The following CAMTA1 variants were observed in gnomAD, a reference collection of about 807,000 sequenced individuals.
The protein encoded by CAMTA1 is calmodulin-binding transcription activator 1.
In CAMTA1, 27 loss-of-function variants were observed where a neutral mutation model predicts 170.9. The observed-to-expected ratio is 0.16, with a 90% CI of 0.12 to 0.22. The LOEUF is 0.22. CAMTA1 is among the 10% of genes least tolerant of loss of function. The pLI is 1.00. For missense variants in CAMTA1, 1,619 were observed against 2,217.2 expected (o/e 0.73, Z 5.42); for synonymous variants, 833 against 891.5 (o/e 0.93, Z 1.17).
rs546565363 is a variant in CAMTA1, at chr1:7,007,763, G to A, written c.235-83541G>A. ...CTTTCCGACCCTGTGCTTTTCTACC[G>A]ACTTCTGGGCCGGGTCATCCACTCC... On this transcript the variant is annotated intron_variant, in intron 3 of 22. Transcript: ENST00000303635. This position sits in a 1 kb window ranked among gnomAD's most constrained non-coding sequence, Gnocchi z 4.5. Among the ~76,000 whole-genome samples, 3 of 152,216 alleles carry A rather than the reference G, an allele frequency of 2.0e-5. No individual in the cohort carries two copies. Among genetic ancestry groups the A allele is most frequent in the Admixed American group, 6.5e-5 (1 of 15,278 alleles).
chr1:7,134,755 TA>T (rs1403231189), intron 4 of CAMTA1, among the ~76,000 whole-genome samples: 5 of 152,116 alleles, frequency 3.3e-5, no homozygotes, highest in African/African-American at 1.2e-4. Flanking sequence ...CACATGCAAT[TA>T]TATGTTCATG....
intron 5 of CAMTA1, among the ~76,000 whole-genome samples, chr1:7,329,826 A>G (rs1422797108): frequency 1.3e-5 from 2 of 152,264 alleles, no homozygotes; most frequent in Non-Finnish European, 2.9e-5. Context: ...ATCCCATTTA[A>G]TGATGATTAT....
intron 4 of CAMTA1, among the ~76,000 whole-genome samples, chr1:7,097,183 G>A (rs996935948): frequency 1.3e-5 from 2 of 152,240 alleles, no homozygotes; most frequent in African/African-American, 2.4e-5. Flanking sequence ...CAATTCAGCT[G>A]TCATGAGTGA....
chr1:6,898,210 C>T (rs1676079357), intron 3 of CAMTA1, among the ~76,000 whole-genome samples: 1 of 152,130 alleles, frequency 6.6e-6, no homozygotes, highest in Non-Finnish European at 1.5e-5. Context: ...TTATGTACAT[C>T]TTACTAGATC....
chr1:6,899,053 C>G (rs568902635), intron 3 of CAMTA1, among the ~76,000 whole-genome samples: 54 of 152,098 alleles, frequency 3.6e-4, no homozygotes, highest in African/African-American at 1.3e-3. Flanking sequence ...TCATCGGTAC[C>G]GTGGATGCTT....
chr1:7,493,401 AC>A (rs1367474540), intron 6 of CAMTA1, among the ~76,000 whole-genome samples: 1 of 148,924 alleles, frequency 6.7e-6, no homozygotes, highest in Non-Finnish European at 1.5e-5. Flanking sequence ...GTGCACACAC[AC>A]AAAAACACAA....
intron 11 of CAMTA1, among the ~76,000 whole-genome samples, chr1:7,713,640 G>T (rs1003297460): frequency 6.6e-6 from 1 of 152,166 alleles, no homozygotes; most frequent in African/African-American, 2.4e-5. Flanking sequence ...TAGCTCGTGG[G>T]AAATGTTCTG....
At position 7,692,405 on chromosome 1, in the gene CAMTA1, T is replaced by G. The variant is rs147245649; in HGVS notation, c.2914+14672T>G. Among the ~76,000 whole-genome samples the G allele has an allele frequency of 2.5e-3, 377 of 152,198 alleles. 1 individual carries two copies. Among genetic ancestry groups the G allele is most frequent in the African/African-American group, 8.6e-3 (356 of 41,510 alleles). ...GGAGGGGGTTTCTCAGGCCGGTCCT[T>G]GGCAAGTCACTACATGGTAGGTTGT... On this transcript the variant is annotated intron_variant, in intron 11 of 22. Transcript: ENST00000303635.
At chr1:6,980,407 C>T (rs542240838) in intron 3 of CAMTA1, among the ~76,000 whole-genome samples, 6 of 152,268 alleles carry the variant, frequency 3.9e-5, no homozygotes, top group Admixed American at 6.5e-5. Context: ...GAAGTAGCAC[C>T]GGGAGTCACG....
At chr1:7,712,316 T>C (rs2096576860) in intron 11 of CAMTA1, among the ~76,000 whole-genome samples, 1 of 151,840 alleles carries the variant, frequency 6.6e-6, no homozygotes, top group African/African-American at 2.4e-5. Flanking sequence ...CATTATTCAT[T>C]ATAATTACTA....
Position 7,737,586 on chromosome 1 carries a change from C to A in CAMTA1, c.3658+16C>A. On this transcript the variant is annotated intron_variant, in intron 15 of 22. Transcript: ENST00000303635. ...ACCAACCCAGGTAAGAATTCAGAATCATGACATCTCAGAGCTTGACAGAGA... is the reference window on the plus strand; with the variant it reads ...ACCAACCCAGGTAAGAATTCAGAATAATGACATCTCAGAGCTTGACAGAGA... 6.3e-7 allele frequency: 1 copy of A among 1,588,596 alleles called. No individual in the cohort carries two copies. Among genetic ancestry groups the A allele is most frequent in the South Asian group, 1.1e-5 (1 of 87,360 alleles).
chr1:7,527,266 G>A (rs1255497609), intron 6 of CAMTA1, among the ~76,000 whole-genome samples: 3 of 152,220 alleles, frequency 2.0e-5, no homozygotes, highest in African/African-American at 7.2e-5. Flanking sequence ...AACTGCCACT[G>A]AGTGACAGAT....
chr1:7,561,896 C>A lies in CAMTA1; in HGVS notation c.511-78504C>A, dbSNP rs188516641. On this transcript the variant is annotated intron_variant, in intron 6 of 22. Transcript: ENST00000303635. This position sits in a 1 kb window ranked among gnomAD's most constrained non-coding sequence, Gnocchi z 5.3. The stretch of plus-strand genomic sequence containing the variant: ...AAGCCATCCTCGAGGCAGCCTTCAC[C>A]AGCATGTGTCACCAGGCACTCCATT... Among the ~76,000 whole-genome samples, 4 of 152,330 alleles carry A rather than the reference C, an allele frequency of 2.6e-5. No individual in the cohort carries two copies. In the East Asian group the frequency reaches 5.8e-4, roughly 22 times the overall value.
intron 6 of CAMTA1, among the ~76,000 whole-genome samples, chr1:7,520,678 G>T (rs2094353920): frequency 6.6e-6 from 1 of 152,090 alleles, no homozygotes; most frequent in Non-Finnish European, 1.5e-5. Context: ...GAGTTGGGCG[G>T]TGGGGAACCT....
At chr1:6,835,239 G>A (rs1557661597) in intron 3 of CAMTA1, among the ~76,000 whole-genome samples, 1 of 152,124 alleles carries the variant, frequency 6.6e-6, no homozygotes, top group Non-Finnish European at 1.5e-5. Context: ...ATCCAGTTTG[G>A]GCCCACATTT....
chr1:7,488,339 G>T (rs1234419802), intron 6 of CAMTA1, among the ~76,000 whole-genome samples: 2 of 152,056 alleles, frequency 1.3e-5, no homozygotes, highest in African/African-American at 4.8e-5. Flanking sequence ...GATGGCTCCA[G>T]ACCCTGGTGT....
At chr1:7,671,927 AG>A (rs1334543353) in intron 10 of CAMTA1, 32 of 451,014 alleles carry the variant, frequency 7.1e-5, no homozygotes, top group Non-Finnish European at 1.4e-4. Context: ...CATGTCACAG[AG>A]GGGGATGGAG....
chr1:6,899,117 C>T (rs572774112), intron 3 of CAMTA1, among the ~76,000 whole-genome samples: 9 of 152,258 alleles, frequency 5.9e-5, no homozygotes, highest in African/African-American at 1.4e-4. Context: ...ATCATGGAAG[C>T]GTGCCCAGTC....
At chr1:7,670,681 C>A (rs2096052667) in intron 9 of CAMTA1, among the ~76,000 whole-genome samples, 2 of 152,220 alleles carry the variant, frequency 1.3e-5, no homozygotes, top group African/African-American at 2.4e-5. Flanking sequence ...CCTGGGGCTT[C>A]CTGAGGGGCT....
Sources: gnomAD v4.1 joint callset for allele counts (sites outside exome capture counted in the v4.1 genomes callset) on GRCh38, gnomAD v4.1.1 for gene constraint, Gnocchi (gnomAD v3.1) non-coding constraint, MANE v1.5 for transcripts, NCBI Gene and HGNC (gene_info 2026-07-23, HGNC 2026-07-21) for gene names.